Variants in TAFA2 observed in about 807,000 individuals in gnomAD.
TAFA2 encodes the protein TAFA chemokine like family member 2.
A neutral mutation model predicts 18.8 loss-of-function variants in TAFA2; 7 were observed. The observed-to-expected ratio is 0.37, with a 90% CI of 0.21 to 0.70. The LOEUF (loss-of-function observed/expected upper bound fraction) is 0.70, where lower values mean the gene tolerates loss of function less well. TAFA2 is among the 30% of genes least tolerant of loss of function. The probability of loss-of-function intolerance (pLI) is 0.53; values close to 1 mark genes in which losing one functional copy is unlikely to be tolerated. For synonymous variants in TAFA2, 60 were observed against 54.2 expected, an observed-to-expected ratio of 1.11 and a Z score of -0.47; for missense variants, 122 against 158.1, an observed-to-expected ratio of 0.77 and a Z score of 1.23.
At chr12:61,713,363 C>T (rs936662678) in intron 4 of TAFA2, among the ~76,000 whole-genome samples, 2 of 152,162 alleles carry the variant, frequency 1.3e-5, no homozygotes, top group Non-Finnish European at 2.9e-5. Flanking sequence ...TCTGAGCCTA[C>T]TCTTGCTTGG....
chr12:61,868,884 CTT>C (rs1489565241), intron 1 of TAFA2, among the ~76,000 whole-genome samples: 1 of 152,072 alleles, frequency 6.6e-6, no homozygotes, highest in Non-Finnish European at 1.5e-5. Context: ...CTTTACCTGA[CTT>C]TACTTTTTTT....
At position 61,714,126 on chromosome 12, in the gene TAFA2, C is replaced by A. The variant is rs1295343782; in HGVS notation, c.385-3709G>T. 3.3e-5 allele frequency among the ~76,000 whole-genome samples: 5 copies of A among 152,100 alleles called. No homozygotes were observed. The East Asian group carries it at 9.6e-4, about 29-fold the overall frequency. On this transcript the variant is annotated intron_variant, in intron 4 of 4. Transcript: ENST00000416284. ...GAGATAGCATTTGCTACCATGAATG[C>A]ACACTATCTTCTTGTTCTGAGGGCA...
chr12:61,867,395 T>A lies in TAFA2; in HGVS notation c.31A>T (p.Lys11Ter). Residue 11 changes from lysine to a stop codon, truncating the protein, a stop_gained, in exon 2 of 5, where the codon AAA becomes TAA. Transcript: ENST00000416284. LOFTEE classifies it high-confidence loss of function. MSKRYLQKAT[K>*]GKLLIIIFIV... The stretch of plus-strand genomic sequence containing the variant: ...AATATTATTATTAGCAGTTTTCCTT[T>A]TGTTGCTTTCTGTAAGTATCTCTTA... 1 of 1,607,084 alleles carries A rather than the reference T, an allele frequency of 6.2e-7. No individual in the cohort carries two copies. Among genetic ancestry groups the A allele is most frequent in the Non-Finnish European group, 8.5e-7 (1 of 1,174,488 alleles).
intron 1 of TAFA2, among the ~76,000 whole-genome samples, chr12:61,887,619 G>C (rs1875444087): frequency 7.9e-6 from 1 of 126,628 alleles, no homozygotes; most frequent in African/African-American, 3.1e-5. Flanking sequence ...AGAGTGTGAT[G>C]TTCCCCTTCC....
chr12:62,220,981 C>A (rs2062758178), intron 1 of TAFA2, among the ~76,000 whole-genome samples: 1 of 151,918 alleles, frequency 6.6e-6, no homozygotes, highest in Non-Finnish European at 1.5e-5. Flanking sequence ...GTAGCGGGCG[C>A]CTGTAGTCCC....
At chr12:61,914,821 T>C (rs1876754494) in intron 1 of TAFA2, among the ~76,000 whole-genome samples, 2 of 152,136 alleles carry the variant, frequency 1.3e-5, no homozygotes, top group Non-Finnish European at 1.5e-5. Flanking sequence ...ATTGGAAAGA[T>C]AGGCTTAAAA....
intron 1 of TAFA2, among the ~76,000 whole-genome samples, chr12:62,037,805 A>T (rs1357412583): frequency 1.3e-5 from 2 of 152,186 alleles, no homozygotes; most frequent in Non-Finnish European, 2.9e-5. Context: ...TCACAACATA[A>T]ATTATTTTAC....
At chr12:61,854,668 G>A (rs932683026) in intron 2 of TAFA2, among the ~76,000 whole-genome samples, 18 of 151,988 alleles carry the variant, frequency 1.2e-4, no homozygotes, top group African/African-American at 4.4e-4. Flanking sequence ...AGTACAGTGA[G>A]AAAATAATGG....
rs190022613 is a variant in TAFA2 at position 62,172,136 on chromosome 12, A to T, written c.-2+19123T>A. On this transcript the variant is annotated intron_variant, in intron 1 of 4. Transcript: ENST00000416284. ...TCATGAGTTTAAAAATGATTCTTTT[A>T]AAAAAGAAAACATTTCAGACAAATT... Among the ~76,000 whole-genome samples, 312 of 152,304 alleles carry T rather than the reference A, an allele frequency of 2.0e-3. 1 individual carries two copies. The highest frequency in any genetic ancestry group is 3.5e-3 in the African/African-American group (145 of 41,574).
rs573106463 is a variant in TAFA2, at chr12:61,929,957, A to G, written c.-1-62531T>C. Among the ~76,000 whole-genome samples, 20 of 150,438 alleles carry G rather than the reference A, an allele frequency of 1.3e-4. No individual in the cohort carries two copies. The East Asian group carries it at 3.7e-3, about 28-fold the overall frequency. ...ACTCATAGGTGGGAATTGAACAATG[A>G]CAACACATGGACACAGGAAGGGGAA... On this transcript the variant is annotated intron_variant, in intron 1 of 4. Coordinates refer to ENST00000416284, the MANE Select transcript of TAFA2 (RefSeq NM_178539.5).
intron 1 of TAFA2, among the ~76,000 whole-genome samples, chr12:61,886,183 C>T (rs1348489436): frequency 1.3e-5 from 2 of 152,128 alleles, no homozygotes; most frequent in Non-Finnish European, 2.9e-5. Context: ...TCATTAGGTT[C>T]ATACCTAAAA....
At position 61,916,144 on chromosome 12, in the gene TAFA2, T is replaced by A. The variant is rs940354397; in HGVS notation, c.-1-48718A>T. On this transcript the variant is annotated intron_variant, in intron 1 of 4. Coordinates refer to ENST00000416284, the MANE Select transcript of TAFA2 (RefSeq NM_178539.5). Reference sequence around the variant, plus strand: ...TGAGGTCATTATTTTCTTCAATAGGTTCCAGTTGTCTGTGTACCTCTTGAA... The same window carrying A: ...TGAGGTCATTATTTTCTTCAATAGGATCCAGTTGTCTGTGTACCTCTTGAA... Among the ~76,000 whole-genome samples, 30 of 152,184 alleles carry A rather than the reference T, an allele frequency of 2.0e-4. 1 individual carries two copies. The highest frequency in any genetic ancestry group is 6.8e-4 in the African/African-American group (28 of 41,440).
intron 1 of TAFA2, among the ~76,000 whole-genome samples, chr12:62,048,847 T>G (rs1478887968): frequency 6.6e-6 from 1 of 152,168 alleles, no homozygotes; most frequent in Non-Finnish European, 1.5e-5. Flanking sequence ...CAGTGTGTAT[T>G]TCAGCTGAGT....
chr12:62,230,742 A>G (rs935764220), intron 1 of TAFA2, among the ~76,000 whole-genome samples: 7 of 152,226 alleles, frequency 4.6e-5, no homozygotes, highest in African/African-American at 1.4e-4. Context: ...CAGTGACACA[A>G]TCATGACTTA....
intron 1 of TAFA2, among the ~76,000 whole-genome samples, chr12:62,162,232 G>A (rs996465629): frequency 3.3e-5 from 5 of 152,116 alleles, no homozygotes; most frequent in South Asian, 2.1e-4. Context: ...CAAGCATCTC[G>A]CTCTACATTG....
intron 4 of TAFA2, among the ~76,000 whole-genome samples, chr12:61,749,688 G>A (rs1253706171): frequency 6.6e-6 from 1 of 152,044 alleles, no homozygotes; most frequent in East Asian, 1.9e-4. Flanking sequence ...TAAAGTGAAA[G>A]ATTTCAATTA....
At chr12:62,151,092 C>A (rs1312354009) in intron 1 of TAFA2, among the ~76,000 whole-genome samples, 1 of 152,196 alleles carries the variant, frequency 6.6e-6, no homozygotes, top group East Asian at 1.9e-4. Flanking sequence ...ATATCAACCA[C>A]ATAAGTTATT....
chr12:62,235,206 G>A (rs1252766131), intron 1 of TAFA2: 30 of 658,524 alleles, frequency 4.6e-5, no homozygotes, highest in African/African-American at 5.4e-5. Flanking sequence ...AGTGGGAGTC[G>A]CTTAGGGGCA....
At chr12:62,244,707 C>A (rs1486674014) in intron 1 of TAFA2, among the ~76,000 whole-genome samples, 1 of 152,066 alleles carries the variant, frequency 6.6e-6, no homozygotes. Flanking sequence ...CATTAAAATT[C>A]TTATTGTTGC....
Sources: allele counts gnomAD v4.1 joint callset (sites outside exome capture counted in the v4.1 genomes callset), GRCh38; gene constraint gnomAD v4.1.1; transcripts MANE v1.5; gene names NCBI Gene and HGNC (gene_info 2026-07-23, HGNC 2026-07-21).